Variants in TMEM273 observed in about 807,000 individuals in gnomAD.
TMEM273 encodes the protein chromosome 10 open reading frame 128.
A neutral mutation model predicts 17.9 loss-of-function variants in TMEM273; 19 were observed. The ratio of observed to expected loss-of-function variants is 1.06; its 90% CI spans 0.74 to 1.55. The LOEUF (loss-of-function observed/expected upper bound fraction) is 1.55. Ranked by LOEUF, TMEM273 falls within the 40% of genes most tolerant of loss-of-function variation. The pLI, the probability that TMEM273 is intolerant of heterozygous loss-of-function variation, is 0.00. For synonymous variants in TMEM273, 66 were observed against 62.0 expected (o/e 1.07, Z -0.31); for missense variants, 194 against 155.6 (o/e 1.25, Z -1.31).
At chr10:49,156,950 G>GT (rs1405404439) in intron 6 of TMEM273, among the ~76,000 whole-genome samples, 3 of 152,188 alleles carry the variant, frequency 2.0e-5, no homozygotes, top group East Asian at 1.9e-4. Flanking sequence ...GCCGTCAGGG[G>GT]TTTTTTTCTC....
intron 3 of TMEM273, 32 bp downstream of exon 3, chr10:49,166,837 G>A: frequency 6.2e-7 from 1 of 1,611,530 alleles, no homozygotes; most frequent in Non-Finnish European, 8.5e-7. Context: ...GCTGGGTGGG[G>A]CAGAGCCAGG....
chr10:49,175,404 G>A (rs1242543860), intron 1 of TMEM273, among the ~76,000 whole-genome samples: 6 of 152,192 alleles, frequency 3.9e-5, no homozygotes, highest in African/African-American at 9.7e-5. Flanking sequence ...AGGAGGCCAC[G>A]GAGGGCCATG....
At chr10:49,169,218 TC>T (rs1318505992) in intron 1 of TMEM273, among the ~76,000 whole-genome samples, 2 of 152,118 alleles carry the variant, frequency 1.3e-5, no homozygotes, top group East Asian at 3.9e-4. Context: ...CATTCAAACT[TC>T]CAGGCAAAGG....
chr10:49,174,654 C>G (rs1307900534), intron 1 of TMEM273, among the ~76,000 whole-genome samples: 1 of 152,146 alleles, frequency 6.6e-6, no homozygotes, highest in Non-Finnish European at 1.5e-5. Flanking sequence ...CCCAAACCTA[C>G]CTGGCAAAGC....
chr10:49,159,597 C>A (rs796777538), intron 6 of TMEM273, among the ~76,000 whole-genome samples: 1 of 152,222 alleles, frequency 6.6e-6, no homozygotes, highest in African/African-American at 2.4e-5. Flanking sequence ...TGACTCTGCC[C>A]ATTGAAAGGG....
intron 6 of TMEM273, among the ~76,000 whole-genome samples, chr10:49,156,687 G>A (rs747606286): frequency 6.6e-6 from 1 of 152,214 alleles, no homozygotes; most frequent in Non-Finnish European, 1.5e-5. Flanking sequence ...GAGAGATGGG[G>A]CAGCAACAGC....
In TMEM273 at chr10:49,185,935, G is replaced by A. The variant is rs186018793; in HGVS notation, c.43+2359C>T. On this transcript the variant is annotated intron_variant, in intron 1 of 6. Coordinates refer to ENST00000374153, the MANE Select transcript of TMEM273 (RefSeq NM_001288740.3). The stretch of plus-strand genomic sequence containing the variant: ...GGAGGTTGCGGTGAGCCGAGATCGC[G>A]CCATTGCACTCCAGCCTGGGCAACA... 4.4e-3 allele frequency among the ~76,000 whole-genome samples: 668 copies of A among 151,452 alleles called. 2 individuals are homozygous for A. The highest frequency in any genetic ancestry group is 5.9e-3 in the Admixed American group (90 of 15,196).
At chr10:49,159,649 T>C (rs963555964) in intron 6 of TMEM273, among the ~76,000 whole-genome samples, 4 of 152,138 alleles carry the variant, frequency 2.6e-5, no homozygotes, top group Non-Finnish European at 4.4e-5. Flanking sequence ...GCACACATTG[T>C]GCCCAGATCT....
At chr10:49,175,673 G>A (rs1274259915) in intron 1 of TMEM273, among the ~76,000 whole-genome samples, 1 of 152,236 alleles carries the variant, frequency 6.6e-6, no homozygotes. Flanking sequence ...AGCTGGCCTG[G>A]GCCTGAACCA....
At chr10:49,182,566 C>T (rs185061665) in intron 1 of TMEM273, among the ~76,000 whole-genome samples, 1 of 152,246 alleles carries the variant, frequency 6.6e-6, no homozygotes, top group Non-Finnish European at 1.5e-5. Context: ...AGAATTAAAA[C>T]TGAGATAGAT....
In TMEM273 at chr10:49,155,780, G is replaced by T; in HGVS notation, c.*112C>A. 1.3e-6 allele frequency: 2 copies of T among 1,505,060 alleles called. No homozygotes were observed. Among genetic ancestry groups the T allele is most frequent in the Non-Finnish European group, 1.8e-6 (2 of 1,086,336 alleles). The allele number at this position is 1,505,060 out of a possible 1,614,324, so 93.2% of individuals were successfully genotyped here. A position where few individuals can be genotyped will look rare whatever the true frequency, so the allele number is the denominator to read the frequency against. On this transcript the variant is annotated 3_prime_UTR_variant, in exon 7 of 7. Transcript: ENST00000374153. The stretch of plus-strand genomic sequence containing the variant: ...TTTGCCTCCAATATTCAGTCCATGT[G>T]AAAGTTCATTACCAGCCTTGGGTGT...
At chr10:49,162,685 C>T (rs1845921180) in intron 5 of TMEM273, among the ~76,000 whole-genome samples, 1 of 152,124 alleles carries the variant, frequency 6.6e-6, no homozygotes, top group South Asian at 2.1e-4. Context: ...GTGTCCTCTG[C>T]CTGGGTACCT....
At chr10:49,172,612 A>G (rs1846651804) in intron 1 of TMEM273, among the ~76,000 whole-genome samples, 1 of 152,190 alleles carries the variant, frequency 6.6e-6, no homozygotes, top group Non-Finnish European at 1.5e-5. Context: ...AGGGAAGGAT[A>G]TTTGGAACCA....
chr10:49,162,486 A>G (rs897364771), intron 5 of TMEM273, among the ~76,000 whole-genome samples: 3 of 152,218 alleles, frequency 2.0e-5, no homozygotes, highest in African/African-American at 7.2e-5. Context: ...GCGATTTGCA[A>G]AGCAAAGTGC....
At chr10:49,156,398 A>C in intron 6 of TMEM273, 1 of 696,806 alleles carries the variant, frequency 1.4e-6, no homozygotes, top group East Asian at 6.9e-5. Context: ...AGGGCAGCAT[A>C]GGTGTCTAAA....
At chr10:49,168,205 C>G (rs1273130385) in intron 1 of TMEM273, among the ~76,000 whole-genome samples, 2 of 152,266 alleles carry the variant, frequency 1.3e-5, no homozygotes, top group East Asian at 3.9e-4. Context: ...TTTCCAAGAC[C>G]TGAACTCTGA....
intron 1 of TMEM273, among the ~76,000 whole-genome samples, chr10:49,170,582 A>G (rs887323115): frequency 6.6e-6 from 1 of 152,094 alleles, no homozygotes; most frequent in Non-Finnish European, 1.5e-5. Flanking sequence ...TCCCACTGCC[A>G]CCCCAACTCC....
At chr10:49,171,040 G>A (rs1846532373) in intron 1 of TMEM273, among the ~76,000 whole-genome samples, 1 of 152,230 alleles carries the variant, frequency 6.6e-6, no homozygotes, top group Admixed American at 6.5e-5. Context: ...CCAGGAGGAA[G>A]CCCACGAGGA....
At chr10:49,180,261 C>A (rs1342141793) in intron 1 of TMEM273, among the ~76,000 whole-genome samples, 1 of 152,202 alleles carries the variant, frequency 6.6e-6, no homozygotes, top group Non-Finnish European at 1.5e-5. Context: ...CCTGGGTACT[C>A]CCAGCAGGGT....
Sources: gnomAD v4.1 joint callset for allele counts (sites outside exome capture counted in the v4.1 genomes callset) on GRCh38, gnomAD v4.1.1 for gene constraint, MANE v1.5 for transcripts, NCBI Gene and HGNC (gene_info 2026-07-23, HGNC 2026-07-21) for gene names.